The following TCF7L1 variants were observed in gnomAD, a reference collection of about 807,000 sequenced individuals.
TCF7L1 encodes the protein transcription factor 7 like 1.
A neutral mutation model predicts 63.7 loss-of-function variants in TCF7L1; 18 were observed. The observed-to-expected ratio is 0.28, with a 90% CI of 0.20 to 0.42. TCF7L1 has a LOEUF of 0.42. Among genes scored for constraint, TCF7L1 ranks in the 10% least tolerant of loss-of-function variants. The pLI, the probability that TCF7L1 is intolerant of heterozygous loss-of-function variation, is 1.00. For synonymous variants in TCF7L1, 355 were observed against 340.9 expected, an observed-to-expected ratio of 1.04 and a Z score of -0.46; for missense variants, 654 against 779.3, an observed-to-expected ratio of 0.84 and a Z score of 1.91.
At chr2:85,262,174 T>A (rs11686410) in intron 3 of TCF7L1, 243,638 of 547,080 alleles carry the variant, frequency 0.45, 57,555 homozygotes, top group Middle Eastern at 0.55. Flanking sequence ...TTAAAACCAA[T>A]GATACAGCCT....
chr2:85,194,666 G>A (rs1173294950), intron 3 of TCF7L1, among the ~76,000 whole-genome samples: 1 of 152,132 alleles, frequency 6.6e-6, no homozygotes, highest in Non-Finnish European at 1.5e-5. Context: ...TGAGCCCAGG[G>A]TAAATAGCTG....
intron 3 of TCF7L1, among the ~76,000 whole-genome samples, chr2:85,277,641 C>T (rs1681306443): frequency 6.6e-6 from 1 of 152,192 alleles, no homozygotes; most frequent in African/African-American, 2.4e-5. Flanking sequence ...GGGGCTGGAG[C>T]AAGGGGCGCT....
At chr2:85,234,260 C>G (rs537744803) in intron 3 of TCF7L1, among the ~76,000 whole-genome samples, 20 of 151,080 alleles carry the variant, frequency 1.3e-4, no homozygotes, top group Non-Finnish European at 2.2e-4. Flanking sequence ...CTCAGCCTCT[C>G]GAGTAGCTGG....
chr2:85,172,119 C>T (rs561578995), intron 3 of TCF7L1, among the ~76,000 whole-genome samples: 11 of 152,168 alleles, frequency 7.2e-5, no homozygotes, highest in Admixed American at 1.3e-4. Context: ...ATTGCAGCCA[C>T]GTGTCCACCA....
chr2:85,292,521 T>C (rs1681751785), intron 4 of TCF7L1, among the ~76,000 whole-genome samples: 1 of 152,236 alleles, frequency 6.6e-6, no homozygotes, highest in African/African-American at 2.4e-5. Flanking sequence ...TTCTTTATAC[T>C]TTTCTGTATT....
Position 85,306,725 on chromosome 2 carries a change from CG to C in TCF7L1, c.1257+167del, listed in dbSNP as rs1682118351. Among the ~76,000 whole-genome samples, 1 of 152,158 alleles carries C rather than the reference CG, an allele frequency of 6.6e-6. No individual in the cohort carries two copies. The highest frequency in any genetic ancestry group is 1.5e-5 in the Non-Finnish European group (1 of 68,018). On this transcript the variant is annotated intron_variant, in intron 10 of 11. Transcript: ENST00000282111. The surrounding 1 kb of genome is among the most constrained non-coding windows in gnomAD (Gnocchi z 4.3). ...ACCCAGGCTGGAGTGCATGCAGTGG[CG>C]CGATCTCGGCTCACTGCAAGCTCCG...
chr2:85,171,250 C>T (rs932195950), intron 3 of TCF7L1, among the ~76,000 whole-genome samples: 12 of 152,324 alleles, frequency 7.9e-5, no homozygotes, highest in Admixed American at 5.9e-4. Context: ...AGTTACCTCC[C>T]ACCGGGTCCC....
chr2:85,181,993 T>C (rs994255885), intron 3 of TCF7L1, among the ~76,000 whole-genome samples: 14 of 152,120 alleles, frequency 9.2e-5, no homozygotes, highest in African/African-American at 3.1e-4. Context: ...GCGGGCCCTG[T>C]GGTGTCTAAG....
At chr2:85,199,748 G>GA (rs1223222607) in intron 3 of TCF7L1, among the ~76,000 whole-genome samples, 6 of 152,124 alleles carry the variant, frequency 3.9e-5, no homozygotes, top group Non-Finnish European at 5.9e-5. Context: ...TCTAATAGCT[G>GA]AAAAATATAT....
intron 3 of TCF7L1, among the ~76,000 whole-genome samples, chr2:85,280,095 A>C (rs189044477): frequency 6.6e-6 from 1 of 152,142 alleles, no homozygotes; most frequent in African/African-American, 2.4e-5. Context: ...ACAAACCCTC[A>C]TGGAGCTTGC....
At position 85,309,862 on chromosome 2, in the gene TCF7L1, C is replaced by A; in HGVS notation, c.*400C>A. On this transcript the variant is annotated 3_prime_UTR_variant, in exon 12 of 12. Coordinates refer to ENST00000282111, the MANE Select transcript of TCF7L1 (RefSeq NM_031283.3). ...TGCAGCTCTGCCATTGTGACATTTCCTGTTACCCAGCCCAAGTTTTCATCG... is the reference window on the plus strand; with the variant it reads ...TGCAGCTCTGCCATTGTGACATTTCATGTTACCCAGCCCAAGTTTTCATCG... 5.5e-6 allele frequency: 1 copy of A among 181,118 alleles called. No individual in the cohort carries two copies. The highest frequency in any genetic ancestry group is 1.6e-4 in the South Asian group (1 of 6,152). 11.2% of individuals were successfully genotyped at this position (181,118 alleles called of 1,614,324 possible). A position where few individuals can be genotyped will look rare whatever the true frequency, so the allele number is the denominator to read the frequency against.
intron 3 of TCF7L1, among the ~76,000 whole-genome samples, chr2:85,177,521 A>G (rs1678705375): frequency 6.6e-6 from 1 of 151,996 alleles, no homozygotes; most frequent in Admixed American, 6.6e-5. Context: ...CCTGGGCAAG[A>G]AAACAAGACC....
chr2:85,234,686 C>T (rs34195945), intron 3 of TCF7L1, among the ~76,000 whole-genome samples: 18 of 152,106 alleles, frequency 1.2e-4, no homozygotes, highest in Non-Finnish European at 2.4e-4. Context: ...TGGGTTGATA[C>T]CTTTCTAAAT....
chr2:85,219,790 C>G (rs923413491), intron 3 of TCF7L1, among the ~76,000 whole-genome samples: 2 of 152,172 alleles, frequency 1.3e-5, no homozygotes, highest in Admixed American at 6.6e-5. Context: ...ATGTTTGTAA[C>G]TCCCAAGAGA....
chr2:85,277,309 G>A lies in TCF7L1; in HGVS notation c.442-6186G>A, dbSNP rs145337116. On this transcript the variant is annotated intron_variant, in intron 3 of 11. Transcript: ENST00000282111. ...CGCTTCTTCACATTTTTCATTTATA[G>A]TACGGTTATAGTATAGGTTCCTGTT... 6.2e-3 allele frequency among the ~76,000 whole-genome samples: 951 copies of A among 152,228 alleles called. 10 individuals carry two copies. The highest frequency in any genetic ancestry group is 0.021 in the African/African-American group (860 of 41,526).
At chr2:85,194,242 C>G (rs1283251928) in intron 3 of TCF7L1, among the ~76,000 whole-genome samples, 1 of 152,050 alleles carries the variant, frequency 6.6e-6, no homozygotes, top group Non-Finnish European at 1.5e-5. Flanking sequence ...GTTGGAATTA[C>G]AGAATTCAGG....
At chr2:85,136,539 G>GCA (rs1287830219) in intron 3 of TCF7L1, among the ~76,000 whole-genome samples, 2 of 152,084 alleles carry the variant, frequency 1.3e-5, no homozygotes, top group Admixed American at 6.5e-5. Flanking sequence ...CCTGGCCCAG[G>GCA]CACCAGCCTC....
At chr2:85,162,527 G>C (rs114989842) in intron 3 of TCF7L1, among the ~76,000 whole-genome samples, 1 of 152,180 alleles carries the variant, frequency 6.6e-6, no homozygotes, top group African/African-American at 2.4e-5. Flanking sequence ...CTGTGAAGAC[G>C]TATTTTCTCT....
chr2:85,280,609 G>A (rs1681387546), intron 3 of TCF7L1, among the ~76,000 whole-genome samples: 1 of 152,192 alleles, frequency 6.6e-6, no homozygotes, highest in Non-Finnish European at 1.5e-5. Flanking sequence ...TTAATATTAG[G>A]GGGTATAGAT....
Sources: allele counts gnomAD v4.1 joint callset (sites outside exome capture counted in the v4.1 genomes callset), GRCh38; gene constraint gnomAD v4.1.1; non-coding constraint Gnocchi (gnomAD v3.1); transcripts MANE v1.5; gene names NCBI Gene and HGNC (gene_info 2026-07-23, HGNC 2026-07-21).